The following WDR72 variants were observed in gnomAD, a reference collection of about 807,000 sequenced individuals.
WDR72 encodes the protein WD repeat domain 72, also known as WD repeat-containing protein 72.
Under a neutral mutation model 124.2 loss-of-function variants are expected in WDR72, and 120 were observed. The observed-to-expected ratio is 0.97, with a 90% CI of 0.83 to 1.12. The LOEUF is 1.12. Among genes scored for constraint, WDR72 ranks in the 50% most tolerant of loss-of-function variants. WDR72 has a pLI of 0.00. For missense variants in WDR72, 1,387 were observed against 1,278.8 expected, an observed-to-expected ratio of 1.08 and a Z score of -1.29; for synonymous variants, 452 against 441.7, an observed-to-expected ratio of 1.02 and a Z score of -0.29.
intron 11 of WDR72, among the ~76,000 whole-genome samples, chr15:53,704,085 C>A (rs1441759710): frequency 6.6e-6 from 1 of 152,158 alleles, no homozygotes; most frequent in Non-Finnish European, 1.5e-5. Flanking sequence ...AAGTCAGTAA[C>A]ATTTAGTAAG....
Position 53,514,551 on chromosome 15 carries a change from AAG to A in WDR72, c.*3146_*3147del, listed in dbSNP as rs1474282164. 2.6e-5 allele frequency: 4 copies of A among 152,146 alleles called. No homozygotes were observed. The highest frequency in any genetic ancestry group is 9.7e-5 in the African/African-American group (4 of 41,438). The allele number at this position is 152,146 out of a possible 1,614,324, so 9.4% of individuals were successfully genotyped here. A position where few individuals can be genotyped will look rare whatever the true frequency, so the allele number is the denominator to read the frequency against. ...AAAAAATGTATGAGAAAAGAAATAA[AAG>A]TCACCAAATGCTATCATCTAAAGAT... On this transcript the variant is annotated 3_prime_UTR_variant, in exon 20 of 20. Transcript: ENST00000360509.
intron 1 of WDR72, among the ~76,000 whole-genome samples, chr15:53,739,924 T>C (rs552287655): frequency 1.3e-5 from 2 of 152,248 alleles, no homozygotes; most frequent in East Asian, 3.9e-4. Flanking sequence ...CCTAGGAAAC[T>C]AGTCAAAGAA....
At chr15:53,626,038 C>T (rs112204124) in intron 14 of WDR72, among the ~76,000 whole-genome samples, 2,054 of 152,130 alleles carry the variant, frequency 0.014, 46 homozygotes, top group African/African-American at 0.047. Context: ...ATTTTGGATC[C>T]CCCACTGAGT....
intron 13 of WDR72, among the ~76,000 whole-genome samples, chr15:53,673,506 T>C (rs528089726): frequency 3.5e-4 from 54 of 152,326 alleles, no homozygotes; most frequent in Non-Finnish European, 5.4e-4. Context: ...TCATGGTGTC[T>C]TTCCAAAGAA....
At chr15:53,630,230 A>G in intron 14 of WDR72, among the ~76,000 whole-genome samples, 1 of 152,216 alleles carries the variant, frequency 6.6e-6, no homozygotes. Flanking sequence ...ATCCTTCTAT[A>G]TAGAAAAGAC....
Position 53,748,707 on chromosome 15 carries a change from C to T in WDR72, c.-13+10926G>A, listed in dbSNP as rs192657944. ...CTTCCTCATTACTTCAACATTCCAT[C>T]ACTTTTTCTTATTTTTAAGATTATT... On this transcript the variant is annotated intron_variant, in intron 1 of 19. Transcript: ENST00000360509. Among the ~76,000 whole-genome samples the T allele has an allele frequency of 4.6e-5, 7 of 152,174 alleles. 1 individual carries two copies. The highest frequency in any genetic ancestry group is 1.7e-4 in the African/African-American group (7 of 41,548).
intron 18 of WDR72, among the ~76,000 whole-genome samples, chr15:53,527,408 G>T (rs1020694914): frequency 1.3e-5 from 2 of 151,728 alleles, no homozygotes; most frequent in Non-Finnish European, 1.5e-5. Flanking sequence ...CACATCCCCA[G>T]CAAGAGAGTG....
Position 53,615,936 on chromosome 15 carries a change from A to G in WDR72, c.2270T>C (p.Ile757Thr), listed in dbSNP as rs987924773. The part of the protein sequence containing the change: ...TESLAQGDNT[I>T]KFSEENDGIK... ...GCCATCATTTTCTTCTGAGAATTTG[A>G]TGGTATTATCTCCTTGGGCCAGGCT... Residue 757 changes from isoleucine to threonine, a missense_variant, in exon 15 of 20, where the codon ATC (isoleucine) becomes ACC (threonine). Ile to Thr is a moderately conservative substitution (Grantham distance 89, BLOSUM62 -1). Coordinates refer to ENST00000360509, the MANE Select transcript of WDR72 (RefSeq NM_182758.4). 6.2e-7 allele frequency: 1 copy of G among 1,613,274 alleles called. No individual in the cohort carries two copies. Among genetic ancestry groups the G allele is most frequent in the Admixed American group, 1.7e-5 (1 of 59,826 alleles).
chr15:53,638,024 T>C (rs930921325), intron 14 of WDR72, among the ~76,000 whole-genome samples: 4 of 152,200 alleles, frequency 2.6e-5, no homozygotes, highest in Middle Eastern at 3.2e-3. Flanking sequence ...GAAAAATTTG[T>C]ATTCCTTTAC....
At chr15:53,701,648 A>G (rs2017183534) in intron 12 of WDR72, among the ~76,000 whole-genome samples, 1 of 151,946 alleles carries the variant, frequency 6.6e-6, no homozygotes, top group African/African-American at 2.4e-5. Context: ...ATTCTTGACA[A>G]GGTCTTGCTC....
chr15:53,607,490 A>G (rs549924133), intron 17 of WDR72, among the ~76,000 whole-genome samples: 50 of 152,270 alleles, frequency 3.3e-4, no homozygotes, highest in Middle Eastern at 3.4e-3. Context: ...CTAGACCCCT[A>G]TCTCTTACCG....
chr15:53,596,950 C>T, intron 18 of WDR72, 129 bp downstream of exon 18: 1 of 878,520 alleles, frequency 1.1e-6, no homozygotes, highest in Non-Finnish European at 1.9e-6. Flanking sequence ...GTCAAGGAGA[C>T]TAGTGAATGT....
intron 18 of WDR72, among the ~76,000 whole-genome samples, chr15:53,565,378 C>G (rs1298568830): frequency 6.6e-6 from 1 of 151,888 alleles, no homozygotes; most frequent in African/African-American, 2.4e-5. Context: ...AGTTTTCCTT[C>G]TGTCCTCTCC....
At chr15:53,625,691 A>G (rs2140384910) in intron 14 of WDR72, among the ~76,000 whole-genome samples, 1 of 152,276 alleles carries the variant, frequency 6.6e-6, no homozygotes, top group East Asian at 1.9e-4. Context: ...TCTACTACCC[A>G]CAAGAGCCCA....
chr15:53,548,260 C>T (rs989226994), intron 18 of WDR72, among the ~76,000 whole-genome samples: 24 of 152,140 alleles, frequency 1.6e-4, no homozygotes, highest in African/African-American at 4.6e-4. Flanking sequence ...TAAATGCACC[C>T]GTGGTAAGGT....
chr15:53,728,325 T>C (rs939653528), intron 2 of WDR72, among the ~76,000 whole-genome samples: 7 of 152,182 alleles, frequency 4.6e-5, no homozygotes, highest in Non-Finnish European at 1.0e-4. Context: ...TTCAATTATC[T>C]ACCCCTGGGT....
At chr15:53,652,460 T>C (rs1410947114) in intron 14 of WDR72, among the ~76,000 whole-genome samples, 2 of 152,172 alleles carry the variant, frequency 1.3e-5, no homozygotes, top group African/African-American at 4.8e-5. Flanking sequence ...TGTTTGCTAC[T>C]TGGGGGATAC....
intron 1 of WDR72, among the ~76,000 whole-genome samples, chr15:53,744,586 G>C (rs2018596600): frequency 6.6e-6 from 1 of 152,134 alleles, no homozygotes; most frequent in South Asian, 2.1e-4. Flanking sequence ...AAACCATAGG[G>C]CCTCTCAAAT....
At chr15:53,635,984 C>T (rs1190343289) in intron 14 of WDR72, among the ~76,000 whole-genome samples, 1 of 152,120 alleles carries the variant, frequency 6.6e-6, no homozygotes, top group Non-Finnish European at 1.5e-5. Context: ...ATCAAAGCTC[C>T]AAGCAACCCA....
Sources: allele counts gnomAD v4.1 joint callset (sites outside exome capture counted in the v4.1 genomes callset), GRCh38; gene constraint gnomAD v4.1.1; transcripts MANE v1.5; gene names NCBI Gene and HGNC (gene_info 2026-07-23, HGNC 2026-07-21).